The following ADCK1 variants were observed in gnomAD, a reference collection of about 807,000 sequenced individuals.
ADCK1 encodes the protein aarF domain-containing protein kinase 1.
A neutral mutation model predicts 52.3 loss-of-function variants in ADCK1; 41 were observed. The observed-to-expected ratio is 0.78, with a 90% CI of 0.61 to 1.02. The LOEUF is 1.02. ADCK1 is among the 50% of genes least tolerant of loss of function. The pLI is 0.00. For missense variants in ADCK1, 658 were observed against 679.5 expected (o/e 0.97, Z 0.35); for synonymous variants, 250 against 274.6 (o/e 0.91, Z 0.89).
chr14:77,850,169 T>TA (rs1212862181), intron 3 of ADCK1, among the ~76,000 whole-genome samples: 2 of 152,172 alleles, frequency 1.3e-5, no homozygotes, highest in Admixed American at 1.3e-4. Flanking sequence ...ATGGTGTCAC[T>TA]ATACTTCAGC....
chr14:77,840,796 T>C (rs2082050371), intron 3 of ADCK1, among the ~76,000 whole-genome samples: 1 of 150,806 alleles, frequency 6.6e-6, no homozygotes, highest in Admixed American at 6.7e-5. Context: ...GGCAGTGAGC[T>C]GAGATGGTGC....
At chr14:77,848,729 G>C (rs573789183) in intron 3 of ADCK1, among the ~76,000 whole-genome samples, 251 of 152,150 alleles carry the variant, frequency 1.6e-3, no homozygotes, top group Non-Finnish European at 1.3e-3. Flanking sequence ...GCCTCCAAAA[G>C]TGCTGGGATT....
intron 3 of ADCK1, among the ~76,000 whole-genome samples, chr14:77,827,182 T>C (rs1018936241): frequency 7.1e-6 from 1 of 140,776 alleles, no homozygotes; most frequent in Non-Finnish European, 1.5e-5. Flanking sequence ...TGAAACCCTG[T>C]CTCTACTAAA....
At chr14:77,893,140 A>G (rs1302888488) in intron 5 of ADCK1, among the ~76,000 whole-genome samples, 5 of 152,158 alleles carry the variant, frequency 3.3e-5, no homozygotes, top group South Asian at 2.1e-4. Context: ...GGGCAACTCT[A>G]CTTCTAGATG....
In ADCK1 at chr14:77,869,889, A is replaced by G. The variant is rs74890086; in HGVS notation, c.423+10610A>G. On this transcript the variant is annotated intron_variant, in intron 4 of 10. Coordinates refer to ENST00000238561, the MANE Select transcript of ADCK1 (RefSeq NM_020421.4). ...TAAGAGGGCCTGACCCTGCTCCCCAATTTCAGGACTCTGATTGACTTAGCC... is the reference window on the plus strand; with the variant it reads ...TAAGAGGGCCTGACCCTGCTCCCCAGTTTCAGGACTCTGATTGACTTAGCC... Among the ~76,000 whole-genome samples the G allele has an allele frequency of 7.8e-3, 1,191 of 152,214 alleles. 20 individuals carry two copies. The highest frequency in any genetic ancestry group is 0.027 in the African/African-American group (1,139 of 41,534).
intron 4 of ADCK1, among the ~76,000 whole-genome samples, chr14:77,884,797 G>A (rs749096398): frequency 6.6e-6 from 1 of 152,230 alleles, no homozygotes; most frequent in Admixed American, 6.5e-5. Flanking sequence ...GATTGAGTCT[G>A]ATTGGACCAG....
intron 4 of ADCK1, among the ~76,000 whole-genome samples, chr14:77,861,759 C>A (rs1325406232): frequency 6.6e-6 from 1 of 152,218 alleles, no homozygotes; most frequent in Non-Finnish European, 1.5e-5. Flanking sequence ...TTAGAGGTCA[C>A]TATGTCCTCA....
At chr14:77,890,397 C>T (rs2083259463) in intron 5 of ADCK1, among the ~76,000 whole-genome samples, 1 of 152,074 alleles carries the variant, frequency 6.6e-6, no homozygotes, top group Non-Finnish European at 1.5e-5. Flanking sequence ...AGCAAGTGGC[C>T]CAAGAGAATA....
At position 77,818,991 on chromosome 14, in the gene ADCK1, G is replaced by A. The variant is rs745513627; in HGVS notation, c.13G>A (p.Ala5Thr). 6.2e-7 allele frequency: 1 copy of A among 1,614,106 alleles called. No individual in the cohort carries two copies. Among genetic ancestry groups the A allele is most frequent in the South Asian group, 1.1e-5 (1 of 91,074 alleles). ...AGGATCTGGCGACATGGCCAGAAAG[G>A]CTCTCAAGCTTGCTTCGTGGACCAG... MARK[A>T]LKLASWTSMA... The change falls in exon 2 of 11, where the codon GCT (alanine) becomes ACT (threonine). Residue 5 changes from alanine (A) to threonine (T), a missense_variant. Transcript: ENST00000238561.
intron 3 of ADCK1, among the ~76,000 whole-genome samples, chr14:77,832,220 C>T (rs1001451621): frequency 2.0e-5 from 3 of 152,150 alleles, no homozygotes; most frequent in East Asian, 1.9e-4. Flanking sequence ...TCATATGATC[C>T]GCCCGCCTTG....
At chr14:77,838,805 T>C (rs2082010494) in intron 3 of ADCK1, among the ~76,000 whole-genome samples, 2 of 152,230 alleles carry the variant, frequency 1.3e-5, no homozygotes, top group Admixed American at 1.3e-4. Context: ...GTGCAGACTA[T>C]CTAAGCCACT....
At chr14:77,929,886 C>G (rs964792595) in intron 9 of ADCK1, among the ~76,000 whole-genome samples, 1 of 152,112 alleles carries the variant, frequency 6.6e-6, no homozygotes, top group African/African-American at 2.4e-5. Flanking sequence ...AGGCTGGTCT[C>G]GAACTCCTGA....
At position 77,859,156 on chromosome 14, in the gene ADCK1, G is replaced by T. The variant is rs763601911; in HGVS notation, c.300G>T (p.Leu100=). 6.2e-7 allele frequency: 1 copy of T among 1,613,768 alleles called. No homozygotes were observed. Among genetic ancestry groups the T allele is most frequent in the Admixed American group, 1.7e-5 (1 of 60,002 alleles). The change falls in exon 4 of 11, where the codon CTG becomes CTT. Residue 100 remains leucine (L), a synonymous_variant. Coordinates refer to ENST00000238561, the MANE Select transcript of ADCK1 (RefSeq NM_020421.4). ...CCTTCATCAAGGTGGGCCAGCACCT[G>T]GGGGCTCTGGACTACCTGTTGCCAG... is the stretch of plus-strand genomic sequence containing the variant. ...RGTFIKVGQH[L]GALDYLLPEE...
At chr14:77,838,242 A>G (rs1259461200) in intron 3 of ADCK1, among the ~76,000 whole-genome samples, 1 of 152,210 alleles carries the variant, frequency 6.6e-6, no homozygotes, top group African/African-American at 2.4e-5. Flanking sequence ...ACATATGTCC[A>G]ATTAGCCGAA....
chr14:77,860,307 G>A (rs1019540545), intron 4 of ADCK1, among the ~76,000 whole-genome samples: 19 of 152,226 alleles, frequency 1.2e-4, no homozygotes, highest in African/African-American at 4.6e-4. Context: ...CCTAGCAGGT[G>A]CCCTGGGTCT....
chr14:77,878,617 C>T (rs984667507), intron 4 of ADCK1, among the ~76,000 whole-genome samples: 3 of 152,194 alleles, frequency 2.0e-5, no homozygotes, highest in Non-Finnish European at 2.9e-5. Flanking sequence ...GGCTCATTGC[C>T]TCAGTACTTG....
rs138542224 is a variant in ADCK1, at chr14:77,933,280, C to A, written c.1461C>A (p.Ala487=). ...FRRTQISFSE[A]FNLWQINLHE... ...GGACCCAGATCTCTTTCAGCGAGGC[C>A]TTCAACTTATGGCAGATCAACCTCC... Residue 487 remains alanine, a synonymous_variant, in exon 11 of 11, where the codon GCC becomes GCA. Transcript: ENST00000238561. The A allele has an allele frequency of 6.2e-5, 100 of 1,614,082 alleles. No individual in the cohort carries two copies. The highest frequency in any genetic ancestry group is 8.3e-5 in the Admixed American group (5 of 60,008).
chr14:77,837,153 C>CATT (rs2081978126), intron 3 of ADCK1, among the ~76,000 whole-genome samples: 1 of 140,994 alleles, frequency 7.1e-6, no homozygotes, highest in East Asian at 2.1e-4. Flanking sequence ...CTTAAAAATT[C>CATT]TTTTTTTTTT....
intron 3 of ADCK1, among the ~76,000 whole-genome samples, chr14:77,858,422 A>G (rs113139028): frequency 0.065 from 9,878 of 151,570 alleles, 742 homozygotes; most frequent in African/African-American, 0.19. Flanking sequence ...TTGTATTTTT[A>G]GTAGATATGG....
Sources: allele counts gnomAD v4.1 joint callset (sites outside exome capture counted in the v4.1 genomes callset), GRCh38; gene constraint gnomAD v4.1.1; transcripts MANE v1.5; gene names NCBI Gene and HGNC (gene_info 2026-07-23, HGNC 2026-07-21).